The following MAP4 variants were observed in gnomAD, a reference collection of about 807,000 sequenced individuals.
MAP4 encodes microtubule-associated protein 4.
Under a neutral mutation model 170.2 loss-of-function variants are expected in MAP4, and 76 were observed. The observed-to-expected ratio is 0.45, with a 90% confidence interval of 0.37 to 0.54. The LOEUF is 0.54. Ranked by LOEUF, MAP4 falls within the 20% of genes least tolerant of loss-of-function variation. The pLI is 0.00. For missense variants in MAP4, 2,506 were observed against 2,748.0 expected, an observed-to-expected ratio of 0.91 and a Z score of 1.97; for synonymous variants, 909 against 994.5, an observed-to-expected ratio of 0.91 and a Z score of 1.62.
rs181554435 is a variant in MAP4, at chr3:47,888,669, C to G, written c.5435-11146G>C. Among the ~76,000 whole-genome samples, 202 of 152,344 alleles carry G rather than the reference C, an allele frequency of 1.3e-3. 1 individual carries two copies. The highest frequency in any genetic ancestry group is 4.6e-3 in the African/African-American group (190 of 41,566). ...GCTTCATTCTTGAAGTCAGTGAGAC[C>G]AAGAACCCACCAATTCCAGACACAG... On this transcript the variant is annotated intron_variant, in intron 10 of 20. Coordinates refer to ENST00000683076, the MANE Select transcript of MAP4 (RefSeq NM_001385682.1).
chr3:48,079,938 A>G (rs898617031), intron 1 of MAP4, among the ~76,000 whole-genome samples: 5 of 150,110 alleles, frequency 3.3e-5, no homozygotes, highest in Non-Finnish European at 7.4e-5. Flanking sequence ...CAAAAGAGTG[A>G]GACTCCGTCT....
Position 47,910,591 on chromosome 3 carries a change from T to G in MAP4, c.3830A>C (p.Asp1277Ala), listed in dbSNP as rs1379145278. 26 of 1,536,000 alleles carry G rather than the reference T, an allele frequency of 1.7e-5. No homozygotes were observed. Reference sequence around the variant, plus strand: ...GTCAACTGCTTCCACTGTGGGTGTATCTGGTGTATGTGAGAACGAAGAATC... The same window carrying G: ...GTCAACTGCTTCCACTGTGGGTGTAGCTGGTGTATGTGAGAACGAAGAATC... ...MHDSSFSHTPDTPTVEAVDRK... is the reference protein window; with the variant it reads ...MHDSSFSHTPATPTVEAVDRK... The change falls in exon 9 of 21, where the codon GAT becomes GCT. Residue 1277 changes from aspartate to alanine, a missense_variant. Transcript: ENST00000683076.
intron 1 of MAP4, among the ~76,000 whole-genome samples, chr3:48,011,332 C>G (rs1166301134): frequency 6.6e-6 from 1 of 152,052 alleles, no homozygotes; most frequent in Non-Finnish European, 1.5e-5. Context: ...AGATTGAGAC[C>G]AGCCTGGCCA....
chr3:47,911,197 G>A lies in MAP4; in HGVS notation c.3224C>T (p.Ser1075Phe), dbSNP rs966150195. The change falls in exon 9 of 21, where the codon TCT becomes TTT. Residue 1075 changes from serine to phenylalanine, a missense_variant. Physicochemically the swap from Ser to Phe is radical, Grantham distance 155. This residue lies in a region of MAP4 where 2,008 missense variants were observed against 2,206.0 expected (regional missense o/e 0.91). Transcript: ENST00000683076. This position sits in a 1 kb window ranked among gnomAD's most constrained non-coding sequence, Gnocchi z 4.0. Reference protein sequence around the residue: ...RGSSGKMRTDSGKVKAKSELP... With the variant: ...RGSSGKMRTDFGKVKAKSELP... ...CTCAGATTTTGCTTTTACCTTCCCA[G>A]AATCTGTTCTCATTTTCCCAGAACT... The A allele has an allele frequency of 3.3e-6, 5 of 1,535,926 alleles. No individual in the cohort carries two copies. The East Asian group carries it at 7.3e-5, about 23-fold the overall frequency.
intron 1 of MAP4, among the ~76,000 whole-genome samples, chr3:48,009,337 G>C (rs1361863434): frequency 6.6e-6 from 1 of 152,190 alleles, no homozygotes; most frequent in Non-Finnish European, 1.5e-5. Flanking sequence ...CTGACTTCAA[G>C]TGATCTGCCT....
chr3:47,979,343 T>G (rs890182529), intron 2 of MAP4, among the ~76,000 whole-genome samples: 2 of 152,150 alleles, frequency 1.3e-5, no homozygotes, highest in Admixed American at 1.3e-4. Context: ...TTTGCACCTT[T>G]GTAAAAAAAT....
At chr3:48,041,507 G>A (rs545889604) in intron 1 of MAP4, among the ~76,000 whole-genome samples, 3 of 152,134 alleles carry the variant, frequency 2.0e-5, no homozygotes, top group Non-Finnish European at 4.4e-5. Flanking sequence ...TTAAGTTCAT[G>A]GATCAGAAGA....
At chr3:48,057,541 C>G (rs2100132841) in intron 1 of MAP4, among the ~76,000 whole-genome samples, 1 of 138,822 alleles carries the variant, frequency 7.2e-6, no homozygotes, top group South Asian at 2.4e-4. Flanking sequence ...TGCTGACCTT[C>G]CCTCCACTAT....
At chr3:47,924,600 T>G (rs376227425) in intron 4 of MAP4, among the ~76,000 whole-genome samples, 1 of 152,202 alleles carries the variant, frequency 6.6e-6, no homozygotes, top group African/African-American at 2.4e-5. Context: ...CTCCCCCAGC[T>G]CCATGACTAG....
chr3:47,865,757 G>C (rs2078346927), intron 17 of MAP4, among the ~76,000 whole-genome samples: 1 of 152,232 alleles, frequency 6.6e-6, no homozygotes, highest in Admixed American at 6.5e-5. Context: ...ACTTGGCCTG[G>C]AAGGGAGCGG....
At chr3:47,937,298 G>T (rs1446219173) in intron 3 of MAP4, among the ~76,000 whole-genome samples, 1 of 152,124 alleles carries the variant, frequency 6.6e-6, no homozygotes, top group African/African-American at 2.4e-5. Flanking sequence ...CTCATTACTT[G>T]TCTAAGCCAG....
chr3:47,911,351 C>G lies in MAP4; in HGVS notation c.3070G>C (p.Glu1024Gln), dbSNP rs950142558. 6.5e-7 allele frequency: 1 copy of G among 1,535,892 alleles called. No individual in the cohort carries two copies. The highest frequency in any genetic ancestry group is 8.7e-7 in the Non-Finnish European group (1 of 1,146,890). Residue 1024 changes from glutamate (E) to glutamine (Q), a missense_variant, in exon 9 of 21, where the codon GAA (glutamate) becomes CAA (glutamine). By Grantham distance (29) the Glu-to-Gln change is conservative. Coordinates refer to ENST00000683076, the MANE Select transcript of MAP4 (RefSeq NM_001385682.1). This position sits in a 1 kb window ranked among gnomAD's most constrained non-coding sequence, Gnocchi z 4.0. ...GTAAAGATGCTGATCTCTTGTCTTT[C>G]GTTGGGAAAAGCTTCCTTTTTTAGT... ...KELKKEAFPN[E>Q]RQEISIFTSE...
intron 1 of MAP4, among the ~76,000 whole-genome samples, chr3:48,001,893 TCAGA>T (rs1418118809): frequency 6.6e-6 from 1 of 151,768 alleles, no homozygotes; most frequent in Non-Finnish European, 1.5e-5. Context: ...TTTATTTTTT[TCAGA>T]CAGAGTTTCA....
intron 4 of MAP4, among the ~76,000 whole-genome samples, chr3:47,923,714 G>A (rs1005236536): frequency 6.6e-6 from 1 of 152,102 alleles, no homozygotes; most frequent in South Asian, 2.1e-4. Context: ...TACTCGGAAG[G>A]CTGAGGTGGG....
intron 18 of MAP4, among the ~76,000 whole-genome samples, chr3:47,856,584 A>G (rs2056904118): frequency 6.6e-6 from 1 of 151,536 alleles, no homozygotes; most frequent in African/African-American, 2.4e-5. Flanking sequence ...GCACCACCAC[A>G]CCTAGCTAGT....
Position 47,952,668 on chromosome 3 carries a change from AT to A in MAP4, c.293-24319del, listed in dbSNP as rs1422581341. On this transcript the variant is annotated intron_variant, in intron 3 of 20. Transcript: ENST00000683076. ...AATAAATAAATAAATTAAAAAAAAAATAAAAATAAAAATAAAAATAAAAAAT... is the reference window on the plus strand; with the variant it reads ...AATAAATAAATAAATTAAAAAAAAAAAAAAATAAAAATAAAAATAAAAAAT... Among the ~76,000 whole-genome samples, 25 of 151,082 alleles carry A rather than the reference AT, an allele frequency of 1.7e-4. No individual in the cohort carries two copies. The East Asian group carries it at 2.5e-3, about 15-fold the overall frequency.
chr3:47,936,494 T>TAA (rs1323096554), intron 3 of MAP4, among the ~76,000 whole-genome samples: 2 of 151,366 alleles, frequency 1.3e-5, no homozygotes, highest in African/African-American at 4.9e-5. Context: ...GGTATTATTC[T>TAA]AAAACCCTTA....
chr3:47,962,887 C>A (rs1258234608), intron 3 of MAP4, among the ~76,000 whole-genome samples: 3 of 152,130 alleles, frequency 2.0e-5, no homozygotes, highest in African/African-American at 7.2e-5. Context: ...AAATAGAAAG[C>A]AAAATCCTTC....
chr3:47,872,839 T>C (rs2093878991), intron 12 of MAP4, among the ~76,000 whole-genome samples: 1 of 152,256 alleles, frequency 6.6e-6, no homozygotes, highest in Non-Finnish European at 1.5e-5. Flanking sequence ...TAATGTATTA[T>C]ACTTGACCAA....
Sources: gnomAD v4.1 joint callset for allele counts (sites outside exome capture counted in the v4.1 genomes callset) on GRCh38, gnomAD v4.1.1 for gene constraint, gnomAD v4.1.1 regional missense constraint, Gnocchi (gnomAD v3.1) non-coding constraint, MANE v1.5 for transcripts, NCBI Gene and HGNC (gene_info 2026-07-23, HGNC 2026-07-21) for gene names.